The following GALK2 variants were observed in gnomAD, a reference collection of about 807,000 sequenced individuals.
The protein encoded by GALK2 is N-acetylgalactosamine kinase.
Under a neutral mutation model 52.4 loss-of-function variants are expected in GALK2, and 36 were observed. The ratio of observed to expected loss-of-function variants is 0.69; its 90% CI spans 0.53 to 0.91. The LOEUF (loss-of-function observed/expected upper bound fraction) is 0.91, where lower values mean the gene tolerates loss of function less well. Among genes scored for constraint, GALK2 ranks in the 40% least tolerant of loss-of-function variants. GALK2 has a pLI of 0.00. For missense variants in GALK2, 579 were observed against 559.1 expected (o/e 1.04, Z -0.36); for synonymous variants, 176 against 199.1 (o/e 0.88, Z 0.98).
chr15:49,262,698 G>C (rs964644079), intron 5 of GALK2, among the ~76,000 whole-genome samples: 2 of 146,090 alleles, frequency 1.4e-5, no homozygotes, highest in African/African-American at 5.2e-5. Context: ...TTTCTCTTGT[G>C]GGCATTTAGT....
intron 5 of GALK2, among the ~76,000 whole-genome samples, chr15:49,279,005 G>C (rs2032305508): frequency 6.6e-6 from 1 of 152,194 alleles, no homozygotes; most frequent in South Asian, 2.1e-4. Context: ...AAAATCATCA[G>C]ATCTCCCGAG....
rs761561337 is a variant in GALK2 at position 49,328,084 on chromosome 15, A to AAGCTT, written c.1306_1310dup (p.Pro438Ter). On this transcript the variant is annotated frameshift_variant, in exon 10 of 10. Transcript: ENST00000560031. LOFTEE classifies it high-confidence loss of function. ...AAGCTTATTACCAGAGGAGTGATGG[A>AAGCTT]AGCTTAGCACCGGAGAAGCAAAGTT... 4 of 1,614,080 alleles carry AAGCTT rather than the reference A, an allele frequency of 2.5e-6. No homozygotes were observed. Among genetic ancestry groups the AAGCTT allele is most frequent in the Non-Finnish European group, 1.7e-6 (2 of 1,179,992 alleles).
chr15:49,200,735 T>C (rs985984214), intron 1 of GALK2, among the ~76,000 whole-genome samples: 13 of 152,134 alleles, frequency 8.5e-5, no homozygotes, highest in Admixed American at 1.3e-4. Context: ...TGTTAAGCCA[T>C]CCAGTTTATA....
chr15:49,185,032 A>G (rs2086247346), intron 1 of GALK2, among the ~76,000 whole-genome samples: 1 of 152,104 alleles, frequency 6.6e-6, no homozygotes. Context: ...CCTTTGTTAT[A>G]TGGGAATATT....
At chr15:49,299,766 T>TCTTTCTTTC (rs2034906268) in intron 8 of GALK2, among the ~76,000 whole-genome samples, 3 of 142,914 alleles carry the variant, frequency 2.1e-5, no homozygotes, top group African/African-American at 2.7e-5. Context: ...TTTCTTTCTT[T>TCTTTCTTTC]CTTTCTTTCT....
chr15:49,237,042 T>C (rs943866684), intron 4 of GALK2, among the ~76,000 whole-genome samples: 2 of 152,222 alleles, frequency 1.3e-5, no homozygotes, highest in Non-Finnish European at 2.9e-5. Flanking sequence ...GCTTATCATA[T>C]GCATTAGTGG....
Position 49,309,735 on chromosome 15 carries a change from C to G in GALK2, c.968-9869C>G, listed in dbSNP as rs568270633. On this transcript the variant is annotated intron_variant, in intron 8 of 9. Transcript: ENST00000560031. ...TCCCGGGTTCAAGCAATTCTCATGC[C>G]TCGGCCTCCTGAGTAGCTGGGATTA... Among the ~76,000 whole-genome samples, 43 of 152,114 alleles carry G rather than the reference C, an allele frequency of 2.8e-4. No homozygotes were observed. The South Asian group carries it at 8.7e-3, about 31-fold the overall frequency.
At chr15:49,270,337 G>C (rs2030285633) in intron 5 of GALK2, among the ~76,000 whole-genome samples, 1 of 152,200 alleles carries the variant, frequency 6.6e-6, no homozygotes, top group South Asian at 2.1e-4. Flanking sequence ...GAGGTCTCAT[G>C]ATCAGAATAG....
At chr15:49,331,955 A>C (rs190831781), downstream of GALK2, 1 of 719,564 alleles carries the variant, frequency 1.4e-6, no homozygotes, top group East Asian at 2.7e-5. Flanking sequence ...GGCATTCGTC[A>C]AGCACTTTAC....
intron 1 of GALK2, chr15:49,159,000 TA>T (rs1036926235): frequency 3.9e-5 from 6 of 152,198 alleles, no homozygotes; most frequent in African/African-American, 1.2e-4. Context: ...TAATTTAAAA[TA>T]TTTTTTTTGT....
At chr15:49,184,429 C>G (rs867133686) in intron 1 of GALK2, among the ~76,000 whole-genome samples, 1 of 152,070 alleles carries the variant, frequency 6.6e-6, no homozygotes, top group South Asian at 2.1e-4. Flanking sequence ...TTAATCCATT[C>G]AGCCATTCTA....
intron 8 of GALK2, among the ~76,000 whole-genome samples, chr15:49,308,876 T>C (rs1273271442): frequency 6.6e-6 from 1 of 152,236 alleles, no homozygotes; most frequent in East Asian, 1.9e-4. Context: ...AGTGGGCAGA[T>C]GGCAGCAGCC....
chr15:49,263,706 A>G (rs2092236355), intron 5 of GALK2, among the ~76,000 whole-genome samples: 2 of 129,026 alleles, frequency 1.6e-5, no homozygotes, highest in Non-Finnish European at 3.3e-5. Flanking sequence ...AGCGGCTGGT[A>G]CTGGTTGTTC....
At chr15:49,174,565 C>T (rs112133265) in intron 1 of GALK2, among the ~76,000 whole-genome samples, 28,576 of 152,002 alleles carry the variant, frequency 0.19, 2,835 homozygotes, top group South Asian at 0.21. Flanking sequence ...GGGCTGGTTT[C>T]GAACTCCTGA....
chr15:49,365,716 G>A, intron 3 of GALK2: 2 of 899,012 alleles, frequency 2.2e-6, no homozygotes, highest in Non-Finnish European at 1.9e-6. Flanking sequence ...CAGACAGAAA[G>A]CAATCTCCAA....
chr15:49,219,298 A>T lies in GALK2; in HGVS notation c.266+1985A>T, dbSNP rs1006004399. ...TAATGAATAAGTCTCATGAGATCTGATGGTTTTAAAAATGGGAGTTTCCCT... is the reference window on the plus strand; with the variant it reads ...TAATGAATAAGTCTCATGAGATCTGTTGGTTTTAAAAATGGGAGTTTCCCT... On this transcript the variant is annotated intron_variant, in intron 3 of 9. Transcript: ENST00000560031. Among the ~76,000 whole-genome samples the T allele has an allele frequency of 2.6e-5, 4 of 152,214 alleles. No individual in the cohort carries two copies. The South Asian group carries it at 8.3e-4, about 32-fold the overall frequency.
chr15:49,158,268 A>C (rs1301054781), intron 1 of GALK2, among the ~76,000 whole-genome samples: 1 of 152,228 alleles, frequency 6.6e-6, no homozygotes, highest in Non-Finnish European at 1.5e-5. Flanking sequence ...AAAGAATTCA[A>C]CAAGATGACG....
At chr15:49,175,074 A>G (rs2085348954) in intron 1 of GALK2, among the ~76,000 whole-genome samples, 1 of 152,212 alleles carries the variant, frequency 6.6e-6, no homozygotes. Context: ...ATACATATTT[A>G]TGAGGGGAGC....
At position 49,299,812 on chromosome 15, in the gene GALK2, G is replaced by GTT. The variant is rs1555428444; in HGVS notation, c.967+7275_967+7276insTT. Among the ~76,000 whole-genome samples the GTT allele has an allele frequency of 1.6e-3, 210 of 128,048 alleles. 2 individuals carry two copies. The highest frequency in any genetic ancestry group is 5.8e-3 in the African/African-American group (187 of 32,188). 84.0% of individuals were successfully genotyped at this position (128,048 alleles called of 152,430 possible). On this transcript the variant is annotated intron_variant, in intron 8 of 9. Coordinates refer to ENST00000560031, the MANE Select transcript of GALK2 (RefSeq NM_002044.4). ...CTTTCTTTCGTGCTGTAGTCTGAGAGCGTGATTGGTATGATTTTTTTTTTA... is the reference window on the plus strand; with the variant it reads ...CTTTCTTTCGTGCTGTAGTCTGAGAGTTCGTGATTGGTATGATTTTTTTTTTA...
Sources: allele counts gnomAD v4.1 joint callset (sites outside exome capture counted in the v4.1 genomes callset), GRCh38; gene constraint gnomAD v4.1.1; transcripts MANE v1.5; gene names NCBI Gene and HGNC (gene_info 2026-07-23, HGNC 2026-07-21).